SSBP3: variants seen among roughly 807,000 people sequenced by gnomAD.
SSBP3 encodes the protein single-stranded DNA-binding protein 3.
In SSBP3, 5 loss-of-function variants were observed where a neutral mutation model predicts 69.6. The ratio of observed to expected loss-of-function variants is 0.07; its 90% CI spans 0.04 to 0.15. The LOEUF (loss-of-function observed/expected upper bound fraction) is 0.15. Ranked by LOEUF, SSBP3 falls within the 10% of genes least tolerant of loss-of-function variation. SSBP3 has a pLI of 1.00. For synonymous variants in SSBP3, 196 were observed against 193.4 expected (o/e 1.01, Z -0.11); for missense variants, 312 against 534.0 (o/e 0.58, Z 4.10).
At chr1:54,353,939 G>C (rs1315482325) in intron 4 of SSBP3, among the ~76,000 whole-genome samples, 1 of 152,274 alleles carries the variant, frequency 6.6e-6, no homozygotes, top group Non-Finnish European at 1.5e-5. Flanking sequence ...ATGAGGAGGA[G>C]ACTGCAGCAC....
Position 54,258,307 on chromosome 1 carries a change from T to C in SSBP3, c.367-158A>G, listed in dbSNP as rs1202415633. ...GTGGGAGGTGGTGGAGCTGCTGCTT[T>C]GGTCGCCGGCTCAACGGTGTAAAAC... On this transcript the variant is annotated intron_variant, in intron 5 of 17. Transcript: ENST00000610401. This position sits in a 1 kb window ranked among gnomAD's most constrained non-coding sequence, Gnocchi z 4.5. Among the ~76,000 whole-genome samples the C allele has an allele frequency of 4.6e-5, 7 of 151,518 alleles. No individual in the cohort carries two copies. In the East Asian group the frequency reaches 9.7e-4, roughly 21 times the overall value.
At chr1:54,231,707 AT>A (rs1421588636) in intron 14 of SSBP3, among the ~76,000 whole-genome samples, 2 of 151,972 alleles carry the variant, frequency 1.3e-5, no homozygotes, top group Non-Finnish European at 2.9e-5. Flanking sequence ...TTTTTAATTT[AT>A]TTTTGAGACG....
intron 4 of SSBP3, among the ~76,000 whole-genome samples, chr1:54,368,852 C>T (rs868411127): frequency 7.2e-5 from 11 of 152,194 alleles, no homozygotes; most frequent in Non-Finnish European, 4.4e-5. Flanking sequence ...AGGGAATCTT[C>T]AGGCAAGTCG....
intron 4 of SSBP3, among the ~76,000 whole-genome samples, chr1:54,316,629 C>A (rs1646103696): frequency 8.2e-6 from 1 of 122,660 alleles, no homozygotes; most frequent in Admixed American, 9.3e-5. Context: ...ACCTGGGCGA[C>A]AGAGCGAGAC....
At chr1:54,290,017 T>C (rs1645575687) in intron 4 of SSBP3, among the ~76,000 whole-genome samples, 1 of 152,192 alleles carries the variant, frequency 6.6e-6, no homozygotes, top group South Asian at 2.1e-4. Flanking sequence ...TCAGAGGCTC[T>C]GAGGAGTAAA....
intron 4 of SSBP3, among the ~76,000 whole-genome samples, chr1:54,363,985 G>A (rs12082804): frequency 9.4e-4 from 143 of 152,120 alleles, no homozygotes; most frequent in Middle Eastern, 3.4e-3. Context: ...GGAGGGTTCA[G>A]GTGTTGGTCC....
Position 54,411,585 on chromosome 1 carries a change from C to T in SSBP3, c.-275+1771G>A, listed in dbSNP as rs527618255. 1.7e-4 allele frequency among the ~76,000 whole-genome samples: 26 copies of T among 151,966 alleles called. 1 individual carries two copies. In the South Asian group the frequency reaches 5.0e-3, roughly 29 times the overall value. ...GGGAGGATCACTTGAGCCAGGGACG[C>T]TGGGAAGTACAAGAAAGCAGAAGGC... On this transcript the variant is annotated intron_variant, in intron 1 of 8. Transcript: ENST00000525990.
At chr1:54,276,223 T>C (rs1407689807) in intron 5 of SSBP3, among the ~76,000 whole-genome samples, 1 of 152,194 alleles carries the variant, frequency 6.6e-6, no homozygotes, top group Non-Finnish European at 1.5e-5. Flanking sequence ...CAACAGGAGC[T>C]GGGACCCCTC....
intron 4 of SSBP3, among the ~76,000 whole-genome samples, chr1:54,350,573 G>A (rs1192730388): frequency 2.0e-5 from 3 of 152,300 alleles, no homozygotes; most frequent in Non-Finnish European, 2.9e-5. Flanking sequence ...TGCACAACCC[G>A]GGTTTGGCTG....
rs149020278 is a variant in SSBP3 at position 54,314,359 on chromosome 1, G to A, written c.277-32832C>T. The stretch of plus-strand genomic sequence containing the variant: ...CAAACTCCAGAGGGAAGCAAAAAGG[G>A]CGAAGGACTCCTCCACTTCACAGAG... On this transcript the variant is annotated intron_variant, in intron 4 of 17. Transcript: ENST00000610401. 5.6e-3 allele frequency among the ~76,000 whole-genome samples: 846 copies of A among 152,304 alleles called. 6 individuals carry two copies. The highest frequency in any genetic ancestry group is 0.026 in the South Asian group (127 of 4,824).
At chr1:54,351,878 T>A (rs1646785973) in intron 4 of SSBP3, among the ~76,000 whole-genome samples, 1 of 152,130 alleles carries the variant, frequency 6.6e-6, no homozygotes, top group Non-Finnish European at 1.5e-5. Flanking sequence ...TATCTATCCA[T>A]CCACCCACCC....
chr1:54,370,248 T>TC (rs1188198265), intron 4 of SSBP3, among the ~76,000 whole-genome samples: 1 of 152,110 alleles, frequency 6.6e-6, no homozygotes, highest in African/African-American at 2.4e-5. Context: ...CATCCAACTT[T>TC]CACTTATCTG....
chr1:54,343,082 C>T (rs1402541570), intron 4 of SSBP3, among the ~76,000 whole-genome samples: 1 of 152,216 alleles, frequency 6.6e-6, no homozygotes, highest in African/African-American at 2.4e-5. Context: ...TCGCCTCCAC[C>T]CGCCTGCGAG....
intron 5 of SSBP3, among the ~76,000 whole-genome samples, chr1:54,271,114 T>A (rs550709543): frequency 6.6e-6 from 1 of 152,232 alleles, no homozygotes; most frequent in African/African-American, 2.4e-5. Context: ...GAATGTAGAT[T>A]TCTGAGTTTC....
chr1:54,234,768 GA>G (rs57587408), intron 14 of SSBP3, among the ~76,000 whole-genome samples: 115 of 138,386 alleles, frequency 8.3e-4, no homozygotes, highest in African/African-American at 1.6e-3. Context: ...TTTTATAAAA[GA>G]AAAAAAAAAA....
chr1:54,298,043 G>A (rs1031434018), intron 4 of SSBP3, among the ~76,000 whole-genome samples: 1 of 152,130 alleles, frequency 6.6e-6, no homozygotes, highest in African/African-American at 2.4e-5. Context: ...GCCCCCTCAT[G>A]CTCCCCAACC....
At chr1:54,241,003 C>A in intron 12 of SSBP3, 44 bp from the exon 13 acceptor site, 1 of 1,577,526 alleles carries the variant, frequency 6.3e-7, no homozygotes, top group South Asian at 1.2e-5. Context: ...ACGGTGGTAA[C>A]GAACATGGGG....
intron 4 of SSBP3, among the ~76,000 whole-genome samples, chr1:54,370,359 T>C (rs1480045783): frequency 1.3e-5 from 2 of 152,214 alleles, no homozygotes; most frequent in Non-Finnish European, 2.9e-5. Flanking sequence ...GCTATTCGAT[T>C]GATAATGGCT....
In SSBP3 at chr1:54,337,048, C is replaced by G. The variant is rs943286449; in HGVS notation, c.277-55521G>C. Reference sequence around the variant, plus strand: ...CAGCTCTCAACGTCAGCCTCTGCCCCAAGCCAACCAAGCAAAGTGCGCTGC... The same window carrying G: ...CAGCTCTCAACGTCAGCCTCTGCCCGAAGCCAACCAAGCAAAGTGCGCTGC... On this transcript the variant is annotated intron_variant, in intron 4 of 17. Transcript: ENST00000610401. Among the ~76,000 whole-genome samples, 4 of 152,372 alleles carry G rather than the reference C, an allele frequency of 2.6e-5. No individual in the cohort carries two copies. The South Asian group carries it at 8.3e-4, about 32-fold the overall frequency.
Sources: allele counts gnomAD v4.1 joint callset (sites outside exome capture counted in the v4.1 genomes callset), GRCh38; gene constraint gnomAD v4.1.1; non-coding constraint Gnocchi (gnomAD v3.1); transcripts MANE v1.5; gene names NCBI Gene and HGNC (gene_info 2026-07-23, HGNC 2026-07-21).